The following CBR4 variants were observed in gnomAD, a reference collection of about 807,000 sequenced individuals.
CBR4 encodes carbonyl reductase 4.
Under a neutral mutation model 21.0 loss-of-function variants are expected in CBR4, and 22 were observed. The observed-to-expected ratio is 1.05, with a 90% CI of 0.75 to 1.50. The LOEUF is 1.50. CBR4 is among the 40% of genes most tolerant of loss of function. The probability of loss-of-function intolerance (pLI) is 0.00; values close to 1 mark genes in which losing one functional copy is unlikely to be tolerated. For synonymous variants in CBR4, 100 were observed against 104.4 expected, an observed-to-expected ratio of 0.96 and a Z score of 0.26; for missense variants, 302 against 286.3, an observed-to-expected ratio of 1.05 and a Z score of -0.40.
At chr4:169,000,114 A>G (rs1730299161) in intron 4 of CBR4, among the ~76,000 whole-genome samples, 1 of 152,214 alleles carries the variant, frequency 6.6e-6, no homozygotes, top group African/African-American at 2.4e-5. Flanking sequence ...CCAATCCTGA[A>G]AAGAGAAGGA....
intron 2 of CBR4, among the ~76,000 whole-genome samples, chr4:168,977,270 C>A (rs141806723): frequency 4.6e-5 from 7 of 152,316 alleles, no homozygotes; most frequent in Admixed American, 4.6e-4. Flanking sequence ...TGTTAGCAAT[C>A]CATCTTATAT....
chr4:168,905,390 C>T (rs1230030316), intron 2 of CBR4, among the ~76,000 whole-genome samples: 2 of 151,416 alleles, frequency 1.3e-5, no homozygotes, highest in Admixed American at 6.6e-5. Context: ...CCTCGTGATC[C>T]GCCCGCCTCG....
At chr4:168,975,510 G>C (rs926310240) in intron 2 of CBR4, among the ~76,000 whole-genome samples, 2 of 152,176 alleles carry the variant, frequency 1.3e-5, no homozygotes, top group Non-Finnish European at 2.9e-5. Context: ...GTAGTGGCTT[G>C]AGTTCATTGG....
At chr4:168,990,420 T>C in intron 4 of CBR4, 92 bp from the exon 5 acceptor site, 1 of 1,255,918 alleles carries the variant, frequency 8.0e-7, no homozygotes, top group Non-Finnish European at 1.0e-6. Context: ...TCTGAAAATT[T>C]TAATTTGAAA....
chr4:168,897,919 CCCTTG>C (rs1396623067), intron 2 of CBR4: 1 of 151,698 alleles, frequency 6.6e-6, no homozygotes, highest in Non-Finnish European at 1.5e-5. Context: ...GAGGAGGCGG[CCCTTG>C]CAAGGCAGGG....
In CBR4 at chr4:168,922,098, TATATACACACACAC is replaced by T. The variant is rs1359215858; in HGVS notation, n.170-27347_170-27334del. Among the ~76,000 whole-genome samples the T allele has an allele frequency of 2.1e-4, 23 of 107,642 alleles. 1 individual carries two copies. The highest frequency in any genetic ancestry group is 5.6e-4 in the African/African-American group (18 of 31,972). 70.6% of individuals were successfully genotyped at this position (107,642 alleles called of 152,430 possible). The stretch of plus-strand genomic sequence containing the variant: ...AAAGTTTTATATTTATATATATATA[TATATACACACACAC>T]ACACACACACACACACACACACACA... On this transcript the variant is annotated intron_variant and non_coding_transcript_variant, in intron 2 of 3. Transcript: ENST00000509108.
chr4:169,009,512 A>G (rs527481809), intron 1 of CBR4, among the ~76,000 whole-genome samples: 1 of 152,032 alleles, frequency 6.6e-6, no homozygotes, highest in Non-Finnish European at 1.5e-5. Flanking sequence ...TGGTACCTGC[A>G]CTCCCACCTT....
chr4:168,916,184 G>A (rs1436015756), intron 2 of CBR4, among the ~76,000 whole-genome samples: 1 of 152,166 alleles, frequency 6.6e-6, no homozygotes. Flanking sequence ...GTCCAAAGCC[G>A]GGCAGATCGC....
chr4:168,935,166 G>A (rs1255750714), intron 2 of CBR4, among the ~76,000 whole-genome samples: 2 of 152,176 alleles, frequency 1.3e-5, no homozygotes, highest in East Asian at 3.9e-4. Flanking sequence ...CATGGGAAGT[G>A]CAAGGGGTGG....
At chr4:168,898,335 T>G in intron 2 of CBR4, 2 of 666,692 alleles carry the variant, frequency 3.0e-6, no homozygotes, top group Non-Finnish European at 5.5e-6. Context: ...TTCCAGATGT[T>G]TTTTGTTTCA....
intron 2 of CBR4, among the ~76,000 whole-genome samples, chr4:168,967,611 A>T (rs113072770): frequency 0.012 from 1,825 of 152,284 alleles, 38 homozygotes; most frequent in African/African-American, 0.039. Context: ...GAAAACAGAA[A>T]TAAGCCAAAA....
intron 1 of CBR4, among the ~76,000 whole-genome samples, chr4:169,009,730 G>C (rs1037978813): frequency 6.6e-6 from 1 of 152,246 alleles, no homozygotes; most frequent in African/African-American, 2.4e-5. Context: ...TTCAGCCCTC[G>C]GCGGCAAGCT....
chr4:168,944,521 A>G (rs2126686311), intron 2 of CBR4, among the ~76,000 whole-genome samples: 1 of 152,088 alleles, frequency 6.6e-6, no homozygotes. Context: ...AGAAAAGAAA[A>G]GAAAAAAGTT....
chr4:168,921,065 T>A (rs937186712), intron 2 of CBR4, among the ~76,000 whole-genome samples: 14 of 152,114 alleles, frequency 9.2e-5, no homozygotes, highest in African/African-American at 3.1e-4. Flanking sequence ...GAAGCCAAAG[T>A]TTAAAGCAAA....
downstream of CBR4, among the ~76,000 whole-genome samples, chr4:168,986,096 G>T (rs886811583): frequency 1.3e-5 from 2 of 151,564 alleles, no homozygotes; most frequent in Non-Finnish European, 2.9e-5. Context: ...ATATCCGGGG[G>T]GGGAACAATA....
chr4:168,978,917 T>C (rs1181624164), intron 2 of CBR4, among the ~76,000 whole-genome samples: 2 of 151,714 alleles, frequency 1.3e-5, no homozygotes, highest in African/African-American at 2.4e-5. Flanking sequence ...GTAGCAGCTC[T>C]GCAATTCCCT....
Position 168,993,599 on chromosome 4 carries a change from T to C in CBR4, c.536-3271A>G, listed in dbSNP as rs6844390. Among the ~76,000 whole-genome samples the C allele has an allele frequency of 5.1e-3, 779 of 152,264 alleles. 4 individuals carry two copies. The highest frequency in any genetic ancestry group is 0.017 in the African/African-American group (724 of 41,524). ...GTAATAAAAGCAGAATGAATAAAAATTGTCAAAAACATGTAAAAGTTCATG... is the reference window on the plus strand; with the variant it reads ...GTAATAAAAGCAGAATGAATAAAAACTGTCAAAAACATGTAAAAGTTCATG... On this transcript the variant is annotated intron_variant, in intron 4 of 4. Transcript: ENST00000306193.
rs1318598425 is a variant in CBR4, at chr4:168,898,500, A to C, written n.170-3735T>G. On this transcript the variant is annotated intron_variant and non_coding_transcript_variant, in intron 2 of 3. Coordinates refer to the CBR4 transcript ENST00000509108. The stretch of plus-strand genomic sequence containing the variant: ...AAACTTTCCTTGATTCAGGAATACA[A>C]AGTCTCCAGCTGTGAACAGAGACTC... 1 of 1,609,206 alleles carries C rather than the reference A, an allele frequency of 6.2e-7. No homozygotes were observed. The highest frequency in any genetic ancestry group is 1.3e-5 in the African/African-American group (1 of 74,834).
chr4:168,992,077 G>A (rs1361187551), intron 4 of CBR4, among the ~76,000 whole-genome samples: 2 of 152,018 alleles, frequency 1.3e-5, no homozygotes, highest in African/African-American at 4.8e-5. Flanking sequence ...CTTTCTTTAG[G>A]TTTGCAGTTA....
Sources: gnomAD v4.1 joint callset for allele counts (sites outside exome capture counted in the v4.1 genomes callset) on GRCh38, gnomAD v4.1.1 for gene constraint, MANE v1.5 for transcripts, NCBI Gene and HGNC (gene_info 2026-07-23, HGNC 2026-07-21) for gene names.